C1orf21: variants seen among roughly 807,000 people sequenced by gnomAD.
The protein encoded by C1orf21 is uncharacterized protein C1orf21.
In C1orf21, 3 loss-of-function variants were observed where a neutral mutation model predicts 18.7. The ratio of observed to expected loss-of-function variants is 0.16; its 90% CI spans 0.07 to 0.42. C1orf21 has a LOEUF of 0.42. C1orf21 is among the 10% of genes least tolerant of loss of function. The pLI is 0.99. For synonymous variants in C1orf21, 41 were observed against 46.4 expected (o/e 0.88, Z 0.47); for missense variants, 104 against 143.6 (o/e 0.72, Z 1.41).
At chr1:184,467,197 A>T (rs1384901641) in intron 1 of C1orf21, among the ~76,000 whole-genome samples, 1 of 152,134 alleles carries the variant, frequency 6.6e-6, no homozygotes, top group Non-Finnish European at 1.5e-5. Flanking sequence ...CATGAAAAGG[A>T]GTTTCTAAGA....
chr1:184,556,212 G>C (rs1339717931), intron 3 of C1orf21, among the ~76,000 whole-genome samples: 1 of 152,180 alleles, frequency 6.6e-6, no homozygotes. Context: ...GGATAACACT[G>C]TGGGGTGGGT....
At chr1:184,486,700 A>T (rs1025050884) in intron 2 of C1orf21, among the ~76,000 whole-genome samples, 4 of 150,544 alleles carry the variant, frequency 2.7e-5, no homozygotes, top group Non-Finnish European at 4.4e-5. Flanking sequence ...TTTCTATATT[A>T]AAAAAAAAAT....
intron 1 of C1orf21, among the ~76,000 whole-genome samples, chr1:184,391,036 GTAAATTACA>G (rs745498439): frequency 5.3e-5 from 8 of 152,122 alleles, no homozygotes; most frequent in Non-Finnish European, 7.3e-5. Flanking sequence ...GAAGTGGCAT[GTAAATTACA>G]TACATACATA....
Position 184,590,812 on chromosome 1 carries a change from C to A in C1orf21, c.263C>A (p.Ala88Glu), listed in dbSNP as rs149800099. The change falls in exon 4 of 6, where the codon GCA becomes GAA. Residue 88 changes from alanine to glutamate, a missense_variant. Ala to Glu is a moderately radical substitution (Grantham distance 107). Transcript: ENST00000235307. ...EVPGLVHQPR[A>E]NMHISESQQE... ...CCGGGATTAGTTCATCAACCCAGAG[C>A]AAAGTAAGTTCTAGTTTCTGTTTTC... 1 of 1,613,050 alleles carries A rather than the reference C, an allele frequency of 6.2e-7. No individual in the cohort carries two copies. Among genetic ancestry groups the A allele is most frequent in the Non-Finnish European group, 8.5e-7 (1 of 1,179,136 alleles).
chr1:184,564,102 G>A (rs1659001314), intron 3 of C1orf21, among the ~76,000 whole-genome samples: 1 of 152,122 alleles, frequency 6.6e-6, no homozygotes, highest in Admixed American at 6.5e-5. Context: ...CTCTGACATT[G>A]GAGATACCTG....
At chr1:184,493,121 A>T (rs1657838669) in intron 2 of C1orf21, among the ~76,000 whole-genome samples, 1 of 152,214 alleles carries the variant, frequency 6.6e-6, no homozygotes, top group Non-Finnish European at 1.5e-5. Context: ...AATGTAACTC[A>T]CAACACATGT....
chr1:184,580,577 C>G (rs142210477), intron 3 of C1orf21, among the ~76,000 whole-genome samples: 60 of 152,354 alleles, frequency 3.9e-4, no homozygotes, highest in African/African-American at 1.3e-3. Flanking sequence ...TCTTCAACAT[C>G]ATCTCATCCC....
intron 1 of C1orf21, among the ~76,000 whole-genome samples, chr1:184,425,438 T>G (rs555323131): frequency 8.6e-5 from 13 of 151,918 alleles, no homozygotes; most frequent in African/African-American, 3.1e-4. Context: ...ATTTTTAAGT[T>G]TTTTGTAGAG....
rs76969114 is a variant in C1orf21 at position 184,515,481 on chromosome 1, G to C, written c.189+7799G>C. Among the ~76,000 whole-genome samples, 1,255 of 152,164 alleles carry C rather than the reference G, an allele frequency of 8.2e-3. 5 individuals carry two copies. The highest frequency in any genetic ancestry group is 0.012 in the Non-Finnish European group (829 of 67,994). On this transcript the variant is annotated intron_variant, in intron 3 of 5. Transcript: ENST00000235307. ...GTTAGAAGGAAACTCAAGAATCACC[G>C]GGCGTCGTTACGTAGGTTACCAGTT...
intron 2 of C1orf21, among the ~76,000 whole-genome samples, chr1:184,478,226 G>A (rs1657600906): frequency 6.6e-6 from 1 of 151,142 alleles, no homozygotes; most frequent in East Asian, 1.9e-4. Context: ...GGAGTGAGGT[G>A]TTTTTTTTTA....
At chr1:184,497,789 GC>G (rs1657915271) in intron 2 of C1orf21, among the ~76,000 whole-genome samples, 1 of 152,160 alleles carries the variant, frequency 6.6e-6, no homozygotes, top group African/African-American at 2.4e-5. Context: ...CCTCCTGGAA[GC>G]CAGCTTCAGC....
Position 184,401,935 on chromosome 1 carries a change from G to A in C1orf21, c.-125+14567G>A, listed in dbSNP as rs570566811. On this transcript the variant is annotated intron_variant, in intron 1 of 5. Transcript: ENST00000235307. ...ATGCTAAGTTTTTAAGAACTAATGC[G>A]TGTTTTATATATTTAACATATTTCA... Among the ~76,000 whole-genome samples, 7 of 151,872 alleles carry A rather than the reference G, an allele frequency of 4.6e-5. 1 individual carries two copies. In the East Asian group the frequency reaches 9.7e-4, roughly 21 times the overall value.
Position 184,477,402 on chromosome 1 carries a change from C to T in C1orf21, c.-108C>T. On this transcript the variant is annotated 5_prime_UTR_variant, in exon 2 of 6. Transcript: ENST00000235307. Reference sequence around the variant, plus strand: ...TTCTTGCAGGTGCACACATCTTGACCAACTCAGCAGCAAGGTGGATTTTCT... The same window carrying T: ...TTCTTGCAGGTGCACACATCTTGACTAACTCAGCAGCAAGGTGGATTTTCT... 1.2e-6 allele frequency: 1 copy of T among 845,624 alleles called. No individual in the cohort carries two copies. The highest frequency in any genetic ancestry group is 1.9e-6 in the Non-Finnish European group (1 of 539,118). The allele number at this position is 845,624 out of a possible 1,614,324, so 52.4% of individuals were successfully genotyped here.
chr1:184,505,245 AT>A (rs1658035526), intron 2 of C1orf21, among the ~76,000 whole-genome samples: 1 of 147,216 alleles, frequency 6.8e-6, no homozygotes, highest in Non-Finnish European at 1.5e-5. Flanking sequence ...AGGTCCAAAA[AT>A]GTTACCCTCT....
intron 3 of C1orf21, among the ~76,000 whole-genome samples, chr1:184,575,292 C>T (rs1013489363): frequency 6.6e-6 from 1 of 152,130 alleles, no homozygotes; most frequent in African/African-American, 2.4e-5. Flanking sequence ...ATTGACTGTT[C>T]AGATTGTGTA....
At chr1:184,582,807 A>G (rs1659292558) in intron 3 of C1orf21, among the ~76,000 whole-genome samples, 1 of 151,910 alleles carries the variant, frequency 6.6e-6, no homozygotes, top group African/African-American at 2.4e-5. Context: ...TAAGAAGGTG[A>G]GGTTTGAGGG....
At chr1:184,392,108 C>G (rs1655978721) in intron 1 of C1orf21, among the ~76,000 whole-genome samples, 1 of 152,174 alleles carries the variant, frequency 6.6e-6, no homozygotes, top group South Asian at 2.1e-4. Flanking sequence ...TAGCTGTGGT[C>G]TTCATCTTAT....
intron 3 of C1orf21, among the ~76,000 whole-genome samples, chr1:184,578,215 CAA>C (rs1294839549): frequency 3.3e-5 from 5 of 152,140 alleles, no homozygotes; most frequent in South Asian, 2.1e-4. Context: ...CTCAGCCTCC[CAA>C]AGTGTTAGGA....
At chr1:184,513,459 C>G (rs527802806) in intron 3 of C1orf21, among the ~76,000 whole-genome samples, 2 of 152,206 alleles carry the variant, frequency 1.3e-5, no homozygotes, top group Non-Finnish European at 2.9e-5. Flanking sequence ...AGATGGTTTA[C>G]AGTAGAGGAC....
Sources: gnomAD v4.1 joint callset for allele counts (sites outside exome capture counted in the v4.1 genomes callset) on GRCh38, gnomAD v4.1.1 for gene constraint, MANE v1.5 for transcripts, NCBI Gene and HGNC (gene_info 2026-07-23, HGNC 2026-07-21) for gene names.